The following RTEL1 variants were observed in gnomAD, a reference collection of about 807,000 sequenced individuals.
RTEL1 encodes regulator of telomere elongation helicase 1.
A neutral mutation model predicts 162.2 loss-of-function variants in RTEL1; 86 were observed. The observed-to-expected ratio is 0.53, with a 90% CI of 0.45 to 0.63. RTEL1 has a LOEUF of 0.63. Among genes scored for constraint, RTEL1 ranks in the 30% least tolerant of loss-of-function variants. The pLI is 0.00. For missense variants in RTEL1, 1,941 were observed against 1,750.2 expected (o/e 1.11, Z -1.95); for synonymous variants, 958 against 717.9 (o/e 1.33, Z -5.35).
At position 63,688,564 on chromosome 20, in the gene RTEL1, C is replaced by G; in HGVS notation, c.1759C>G (p.Pro587Ala). Residue 587 changes from proline (P) to alanine (A), a missense_variant, in exon 21 of 35, where the codon CCG becomes GCG. Coordinates refer to ENST00000360203, the MANE Select transcript of RTEL1 (RefSeq NM_001283009.2). Reference protein sequence around the residue: ...DLARKMEALKPLFVEPRSKGS... With the variant: ...DLARKMEALKALFVEPRSKGS... ...GGCCAGGAAGATGGAGGCGCTGAAG[C>G]CGCTGTTTGTGGAGCCCAGGAGCAA... The G allele has an allele frequency of 6.2e-7, 1 of 1,610,642 alleles. No homozygotes were observed. The highest frequency in any genetic ancestry group is 8.5e-7 in the Non-Finnish European group (1 of 1,179,540).
intron 9 of RTEL1, 50 bp from the exon 10 acceptor site, chr20:63,673,890 C>A: frequency 6.5e-7 from 1 of 1,534,116 alleles, no homozygotes. Context: ...CTTTCTGGAA[C>A]CCCCGATCCT....
In RTEL1 at chr20:63,693,420, G is replaced by A. The variant is rs564861842; in HGVS notation, c.2992+137G>A. On this transcript the variant is annotated intron_variant, in intron 30 of 34. Coordinates refer to ENST00000360203, the MANE Select transcript of RTEL1 (RefSeq NM_001283009.2). The stretch of plus-strand genomic sequence containing the variant: ...CTGTTCCCCTATGGGAGTGATGGGG[G>A]CCTCCACCTCCACCACCAGCACCAG... 5.9e-4 allele frequency: 581 copies of A among 981,348 alleles called. 6 individuals are homozygous for A. The East Asian group carries it at 0.014, about 23-fold the overall frequency. 60.8% of individuals were successfully genotyped at this position (981,348 alleles called of 1,614,324 possible). A position where few individuals can be genotyped will look rare whatever the true frequency, so the allele number is the denominator to read the frequency against.
rs762965605 is a variant in RTEL1, at chr20:63,694,451, G to A, written c.3072G>A (p.Gln1024=). Residue 1024 remains glutamine, a synonymous_variant, in exon 31 of 35, where the codon CAG becomes CAA. Coordinates refer to ENST00000360203, the MANE Select transcript of RTEL1 (RefSeq NM_001283009.2). ...TGGACCCCCAAGAGCACCTGAACCA[G>A]GGCAGGCCCCACCTGTCGCCCAGGC... ...QQLDPQEHLN[Q]GRPHLSPRPP... is the part of the protein sequence containing the mutation. 6.2e-7 allele frequency: 1 copy of A among 1,609,252 alleles called. No homozygotes were observed. Among genetic ancestry groups the A allele is most frequent in the Admixed American group, 1.7e-5 (1 of 59,954 alleles).
At chr20:63,662,164 C>T (rs1309825013) in intron 4 of RTEL1, among the ~76,000 whole-genome samples, 1 of 152,200 alleles carries the variant, frequency 6.6e-6, no homozygotes, top group Non-Finnish European at 1.5e-5. Context: ...TGTGTGCTGA[C>T]CTTGGGCGGG....
intron 12 of RTEL1, 23 bp downstream of exon 12, chr20:63,678,369 C>G: frequency 1.3e-6 from 2 of 1,598,278 alleles, no homozygotes; most frequent in African/African-American, 1.3e-5. Context: ...GAGCCAGCCC[C>G]TTCACTGCAG....
At chr20:63,662,964 C>A in intron 6 of RTEL1, 75 bp downstream of exon 6, 1 of 1,457,200 alleles carries the variant, frequency 6.9e-7, no homozygotes, top group Non-Finnish European at 9.6e-7. Context: ...AGTGGTGTCA[C>A]AGCCTGGTTG....
rs1023502136 is a variant in RTEL1, at chr20:63,672,565, G to A, written c.709G>A (p.Ala237Thr). 12 of 1,582,148 alleles carry A rather than the reference G, an allele frequency of 7.6e-6. No homozygotes were observed. The Admixed American group carries it at 1.1e-4, about 14-fold the overall frequency. ...TCTCTTCCTCCTGTAGAGCCGCAGAGCACACAACATTGACCTGAAGGGGAC... is the reference window on the plus strand; with the variant it reads ...TCTCTTCCTCCTGTAGAGCCGCAGAACACACAACATTGACCTGAAGGGGAC... Reference protein sequence around the residue: ...NYLLDAKSRRAHNIDLKGTVV... With the variant: ...NYLLDAKSRRTHNIDLKGTVV... Residue 237 changes from alanine to threonine, a missense_variant, in exon 9 of 35, where the codon GCA becomes ACA. Ala to Thr is a moderately conservative substitution (Grantham distance 58, BLOSUM62 0). Transcript: ENST00000360203.
chr20:63,663,240 G>A (rs1417841373), intron 6 of RTEL1, among the ~76,000 whole-genome samples: 3 of 152,244 alleles, frequency 2.0e-5, no homozygotes, highest in Non-Finnish European at 4.4e-5. Flanking sequence ...CGGGGACTTT[G>A]TTGCTTGCCC....
chr20:63,681,846 C>T (rs1397246636), intron 14 of RTEL1: 1 of 985,284 alleles, frequency 1.0e-6, no homozygotes, highest in Non-Finnish European at 1.2e-6. Flanking sequence ...GTCCTCCCAA[C>T]TCCTCCCCAA....
At chr20:63,679,091 C>G (rs1159020379) in intron 12 of RTEL1, among the ~76,000 whole-genome samples, 1 of 152,204 alleles carries the variant, frequency 6.6e-6, no homozygotes, top group Non-Finnish European at 1.5e-5. Flanking sequence ...CTCCGGGAGG[C>G]CTGGAACGTT....
At chr20:63,666,632 C>T (rs1376916487) in intron 7 of RTEL1, among the ~76,000 whole-genome samples, 1 of 151,880 alleles carries the variant, frequency 6.6e-6, no homozygotes, top group African/African-American at 2.4e-5. Context: ...GCCTCCCAGG[C>T]TCAAGCGATT....
At position 63,666,036 on chromosome 20, in the gene RTEL1, A is replaced by G. The variant is rs749727308; in HGVS notation, c.571A>G (p.Ile191Val). The change falls in exon 7 of 35, where the codon ATC (isoleucine) becomes GTC (valine). Residue 191 changes from isoleucine to valine, a missense_variant. Physicochemically the swap from Ile to Val is conservative, Grantham distance 29 (BLOSUM62 3). Transcript: ENST00000360203. Reference protein sequence around the residue: ...KSLEQELASPILDIEDLVKSG... With the variant: ...KSLEQELASPVLDIEDLVKSG... ...CCTGGAGCAGGAGCTGGCCAGCCCCATCCTGGACATTGAGGACTTGGTCAA... is the reference window on the plus strand; with the variant it reads ...CCTGGAGCAGGAGCTGGCCAGCCCCGTCCTGGACATTGAGGACTTGGTCAA... 3 of 1,614,172 alleles carry G rather than the reference A, an allele frequency of 1.9e-6. No homozygotes were observed. The South Asian group carries it at 3.3e-5, about 18-fold the overall frequency.
intron 27 of RTEL1, 55 bp downstream of exon 27, chr20:63,691,002 C>T: frequency 3.4e-6 from 5 of 1,484,776 alleles, no homozygotes; most frequent in Middle Eastern, 2.4e-4. Flanking sequence ...TGAGGCCAAC[C>T]CGACCCCGCC....
chr20:63,661,711 C>A lies in RTEL1; in HGVS notation c.302-139C>A. 1.1e-6 allele frequency: 1 copy of A among 903,952 alleles called. No homozygotes were observed. The highest frequency in any genetic ancestry group is 1.7e-6 in the Non-Finnish European group (1 of 577,372). The allele number at this position is 903,952 out of a possible 1,614,324, so 56.0% of individuals were successfully genotyped here. On this transcript the variant is annotated intron_variant, in intron 3 of 34. Transcript: ENST00000360203. The surrounding 1 kb of genome is among the most constrained non-coding windows in gnomAD (Gnocchi z 5.1). ...AGGGCACGGCAGATGCCCACTTCAC[C>A]CATTTTTGATAAACCAGTATCTGGG...
At chr20:63,693,508 C>T (rs1475503154) in intron 30 of RTEL1, among the ~76,000 whole-genome samples, 1 of 47,236 alleles carries the variant, frequency 2.1e-5, no homozygotes, top group Non-Finnish European at 4.4e-5. Context: ...TCCACCACCA[C>T]CTCCTCCACC....
chr20:63,686,477 G>A (rs2090595494), intron 16 of RTEL1: 1 of 153,294 alleles, frequency 6.5e-6, no homozygotes, highest in Admixed American at 6.5e-5. Context: ...GTGGTGTCCA[G>A]GGTGGGGCTT....
At position 63,694,680 on chromosome 20, in the gene RTEL1, G is replaced by T. The variant is rs531973391; in HGVS notation, c.3110-61G>T. On this transcript the variant is annotated intron_variant, in intron 31 of 34. Transcript: ENST00000360203. ...AGTTCCTGGAGGAAGGGCGGGCAGG[G>T]CGGTGGGACTCTCAGTCCTCCACCC... is the stretch of plus-strand genomic sequence containing the variant. 10 of 1,424,394 alleles carry T rather than the reference G, an allele frequency of 7.0e-6. No homozygotes were observed. The Admixed American group carries it at 1.1e-4, about 15-fold the overall frequency. The allele number at this position is 1,424,394 out of a possible 1,614,324, so 88.2% of individuals were successfully genotyped here.
intron 21 of RTEL1, 33 bp from the exon 22 acceptor site, chr20:63,689,022 C>G (rs776785087): frequency 3.8e-6 from 6 of 1,575,252 alleles, no homozygotes; most frequent in South Asian, 2.2e-5. Flanking sequence ...TGGGGGGGGG[C>G]TCCAGGCTCA....
At chr20:63,681,141 G>A (rs915685890) in intron 14 of RTEL1, 113 of 985,288 alleles carry the variant, frequency 1.1e-4, no homozygotes, top group Non-Finnish European at 1.3e-4. Flanking sequence ...GCAGGTTCCC[G>A]GCAGGGGTGT....
Sources: gnomAD v4.1 joint callset for allele counts (sites outside exome capture counted in the v4.1 genomes callset) on GRCh38, gnomAD v4.1.1 for gene constraint, Gnocchi (gnomAD v3.1) non-coding constraint, MANE v1.5 for transcripts, NCBI Gene and HGNC (gene_info 2026-07-23, HGNC 2026-07-21) for gene names.